Variants in RASAL2 observed in about 807,000 individuals in gnomAD.
The protein encoded by RASAL2 is ras GTPase-activating protein nGAP.
Under a neutral mutation model 128.9 loss-of-function variants are expected in RASAL2, and 58 were observed. That is an observed-to-expected ratio of 0.45 (90% CI 0.36 to 0.56). The LOEUF (loss-of-function observed/expected upper bound fraction) is 0.56, where lower values mean the gene tolerates loss of function less well. RASAL2 is among the 20% of genes least tolerant of loss of function. The pLI is 0.00. For missense variants in RASAL2, 1,360 were observed against 1,601.6 expected (o/e 0.85, Z 2.57); for synonymous variants, 561 against 580.8 (o/e 0.97, Z 0.49).
At chr1:178,270,416 A>G (rs1666191364) in intron 1 of RASAL2, among the ~76,000 whole-genome samples, 2 of 151,486 alleles carry the variant, frequency 1.3e-5, no homozygotes, top group African/African-American at 4.9e-5. Flanking sequence ...TCTTTTAATT[A>G]TATTACTGCA....
chr1:178,139,113 G>A (rs10798597), intron 1 of RASAL2, among the ~76,000 whole-genome samples: 36,271 of 151,794 alleles, frequency 0.24, 5,161 homozygotes, highest in African/African-American at 0.4. Flanking sequence ...TGTATTTAAT[G>A]TAAGATGTAA....
intron 9 of RASAL2, among the ~76,000 whole-genome samples, chr1:178,446,123 A>T (rs1394124342): frequency 1.3e-5 from 2 of 152,230 alleles, no homozygotes; most frequent in Admixed American, 1.3e-4. Context: ...TAGAATTTTT[A>T]ACATAACTAA....
At chr1:178,246,233 C>T (rs1177906382) in intron 1 of RASAL2, among the ~76,000 whole-genome samples, 1 of 152,042 alleles carries the variant, frequency 6.6e-6, no homozygotes, top group African/African-American at 2.4e-5. Flanking sequence ...TTTGTCCTCC[C>T]TTATTTCCTT....
intron 3 of RASAL2, among the ~76,000 whole-genome samples, chr1:178,346,412 AAAAG>A (rs560440784): frequency 1.0e-3 from 154 of 152,086 alleles, no homozygotes; most frequent in South Asian, 1.7e-3. Flanking sequence ...TTAAAAAAAA[AAAAG>A]AAAGAAAGAA....
intron 1 of RASAL2, among the ~76,000 whole-genome samples, chr1:178,213,951 G>GA (rs1663340027): frequency 6.6e-6 from 1 of 151,792 alleles, no homozygotes; most frequent in African/African-American, 2.4e-5. Flanking sequence ...CTGAATTCAG[G>GA]AAGAGGCTGG....
chr1:178,464,522 C>G, intron 15 of RASAL2, 110 bp downstream of exon 15: 1 of 1,283,620 alleles, frequency 7.8e-7, no homozygotes, highest in Non-Finnish European at 1.1e-6. Context: ...CACCTCTACC[C>G]CTTATGTTAA....
At chr1:178,319,550 T>A (rs557138778) in intron 3 of RASAL2, among the ~76,000 whole-genome samples, 1 of 149,268 alleles carries the variant, frequency 6.7e-6, no homozygotes, top group East Asian at 1.9e-4. Flanking sequence ...CATTTCATCT[T>A]CCATTGCTGA....
At chr1:178,243,408 G>A (rs2102059238) in intron 1 of RASAL2, among the ~76,000 whole-genome samples, 1 of 152,114 alleles carries the variant, frequency 6.6e-6, no homozygotes, top group South Asian at 2.1e-4. Flanking sequence ...TGAAAATGAG[G>A]AACACTTCCC....
At chr1:178,393,274 T>C (rs974215437) in intron 4 of RASAL2, among the ~76,000 whole-genome samples, 1 of 152,204 alleles carries the variant, frequency 6.6e-6, no homozygotes, top group Non-Finnish European at 1.5e-5. Context: ...GAAATAATTA[T>C]GCAACTCACC....
intron 1 of RASAL2, among the ~76,000 whole-genome samples, chr1:178,206,413 T>A (rs1208546502): frequency 6.6e-6 from 1 of 152,226 alleles, no homozygotes; most frequent in Non-Finnish European, 1.5e-5. Flanking sequence ...GGTGTGACAC[T>A]TGACACTTGC....
intron 1 of RASAL2, among the ~76,000 whole-genome samples, chr1:178,146,792 T>C (rs1660744943): frequency 1.3e-5 from 2 of 152,242 alleles, no homozygotes; most frequent in African/African-American, 4.8e-5. Context: ...TGCTGTGCCA[T>C]ACCATTATTT....
At chr1:178,099,255 G>T (rs1658802804) in intron 1 of RASAL2, among the ~76,000 whole-genome samples, 1 of 152,044 alleles carries the variant, frequency 6.6e-6, no homozygotes, top group Non-Finnish European at 1.5e-5. Context: ...AGAAATTTTT[G>T]GAATCTTAAG....
intron 3 of RASAL2, among the ~76,000 whole-genome samples, chr1:178,361,431 C>T (rs932008369): frequency 5.3e-5 from 8 of 151,564 alleles, no homozygotes; most frequent in Non-Finnish European, 1.0e-4. Context: ...TTTTGAGTTG[C>T]CAAAACATTT....
chr1:178,223,059 G>A (rs1444732736), intron 1 of RASAL2, among the ~76,000 whole-genome samples: 1 of 151,908 alleles, frequency 6.6e-6, no homozygotes, highest in Non-Finnish European at 1.5e-5. Flanking sequence ...AACTCAAATA[G>A]GTGCTTACTG....
In RASAL2 at chr1:178,456,798, A is replaced by G; in HGVS notation, c.2289A>G (p.Ile763Met). ...AGTCATTGACTAATCCTACGCCAAT[A>G]CAACAGCAACTGAGACGCTTCACTG... ...ITKSLTNPTP[I>M]QQQLRRFTEH... The change falls in exon 13 of 18, where the codon ATA becomes ATG. Residue 763 changes from isoleucine to methionine, a missense_variant. By Grantham distance (10) the Ile-to-Met change is conservative. Transcript: ENST00000367649. 3 of 1,614,192 alleles carry G rather than the reference A, an allele frequency of 1.9e-6. No individual in the cohort carries two copies. Among genetic ancestry groups the G allele is most frequent in the Non-Finnish European group, 2.5e-6 (3 of 1,180,034 alleles).
intron 2 of RASAL2, among the ~76,000 whole-genome samples, chr1:178,284,098 A>C (rs1048524491): frequency 6.6e-6 from 1 of 152,212 alleles, no homozygotes; most frequent in Admixed American, 6.5e-5. Flanking sequence ...TGTGGGCAGC[A>C]TAAAGGACCT....
At chr1:178,152,967 T>A (rs1051886718) in intron 1 of RASAL2, among the ~76,000 whole-genome samples, 2 of 152,220 alleles carry the variant, frequency 1.3e-5, no homozygotes, top group African/African-American at 2.4e-5. Context: ...TTAAAAATAA[T>A]CTAATATCCA....
At chr1:178,202,932 A>G (rs1662923121) in intron 1 of RASAL2, among the ~76,000 whole-genome samples, 1 of 152,206 alleles carries the variant, frequency 6.6e-6, no homozygotes, top group Admixed American at 6.5e-5. Flanking sequence ...TCCACTTACC[A>G]AGGCTGACTT....
At chr1:178,130,602 C>T (rs1487493700) in intron 1 of RASAL2, among the ~76,000 whole-genome samples, 1 of 152,110 alleles carries the variant, frequency 6.6e-6, no homozygotes, top group Admixed American at 6.5e-5. Context: ...CCATATGTAA[C>T]GTCTAGTATC....
Sources: gnomAD v4.1 joint callset for allele counts (sites outside exome capture counted in the v4.1 genomes callset) on GRCh38, gnomAD v4.1.1 for gene constraint, MANE v1.5 for transcripts, NCBI Gene and HGNC (gene_info 2026-07-23, HGNC 2026-07-21) for gene names.